Variants in HYCC1 observed in about 807,000 individuals in gnomAD.
HYCC1 encodes hyccin PI4KA lipid kinase complex subunit 1.
chr7:22,968,012 CAT>C, the HYCC1 span, among the ~76,000 whole-genome samples: 4 of 152,168 alleles, frequency 2.6e-5, no homozygotes, highest in Non-Finnish European at 4.4e-5. Context: ...AGAATAATCA[CAT>C]GATTATGGTG....
chr7:22,935,290 G>A, the HYCC1 span: 12 of 152,122 alleles, frequency 7.9e-5, 1 homozygote, highest in Admixed American at 6.6e-4. Flanking sequence ...TAAGATGATG[G>A]GGTTTTTTTT....
At chr7:22,922,649 T>C in the HYCC1 span, among the ~76,000 whole-genome samples, 1 of 152,254 alleles carries the variant, frequency 6.6e-6, no homozygotes, top group African/African-American at 2.4e-5. Flanking sequence ...AGGGACCATC[T>C]GTATATGTTG....
the HYCC1 span, chr7:22,934,860 C>A: frequency 1.3e-5 from 2 of 152,182 alleles, no homozygotes; most frequent in East Asian, 3.9e-4. Flanking sequence ...GATAGAGGCA[C>A]CCTCTGCCCA....
At chr7:22,965,587 T>C in the HYCC1 span, among the ~76,000 whole-genome samples, 2 of 139,202 alleles carry the variant, frequency 1.4e-5, no homozygotes, top group African/African-American at 5.4e-5. Flanking sequence ...AAAGAAGACA[T>C]GGAAACTAAA....
At chr7:22,922,923 A>T in the HYCC1 span, among the ~76,000 whole-genome samples, 1 of 152,262 alleles carries the variant, frequency 6.6e-6, no homozygotes, top group Non-Finnish European at 1.5e-5. Flanking sequence ...GAAGTAAAAA[A>T]TGAGAATTGA....
At chr7:22,969,122 T>C in the HYCC1 span, among the ~76,000 whole-genome samples, 1 of 152,118 alleles carries the variant, frequency 6.6e-6, no homozygotes, top group South Asian at 2.1e-4. Context: ...GGAGGGAATA[T>C]CCTAAAAATA....
chr7:22,932,901 G>A, the HYCC1 span, among the ~76,000 whole-genome samples: 1 of 152,074 alleles, frequency 6.6e-6, no homozygotes. Flanking sequence ...GGGTTAGAGT[G>A]AACCCTAAAT....
chr7:22,973,589 G>T, the HYCC1 span, among the ~76,000 whole-genome samples: 10 of 151,676 alleles, frequency 6.6e-5, no homozygotes, highest in Non-Finnish European at 1.5e-5. Context: ...CCCCACTCTT[G>T]TTTTTTTTCA....
At chr7:22,954,323 T>A in the HYCC1 span, among the ~76,000 whole-genome samples, 1 of 151,144 alleles carries the variant, frequency 6.6e-6, no homozygotes, top group African/African-American at 2.4e-5. Flanking sequence ...ATCAATGTTA[T>A]TATACAGCAG....
the HYCC1 span, chr7:22,947,251 G>C: frequency 6.5e-7 from 1 of 1,548,164 alleles, no homozygotes; most frequent in Non-Finnish European, 8.7e-7. Flanking sequence ...GGTTGCTCTA[G>C]AATTGAAGAT....
the HYCC1 span, among the ~76,000 whole-genome samples, chr7:22,990,174 C>T: frequency 5.3e-5 from 8 of 152,166 alleles, no homozygotes; most frequent in African/African-American, 9.7e-5. Context: ...GAAGGCCAGA[C>T]CAGATGTTCA....
chr7:22,986,063 T>A, the HYCC1 span, among the ~76,000 whole-genome samples: 1 of 151,718 alleles, frequency 6.6e-6, no homozygotes, highest in Admixed American at 6.6e-5. Flanking sequence ...TAAAACTAGA[T>A]CATTCATTAA....
chr7:23,013,255 G>C, the HYCC1 span, among the ~76,000 whole-genome samples: 1 of 152,196 alleles, frequency 6.6e-6, no homozygotes, highest in Non-Finnish European at 1.5e-5. Context: ...CTCATAGAAA[G>C]AAGGGGCAAG....
At chr7:23,002,979 T>C in the HYCC1 span, among the ~76,000 whole-genome samples, 17 of 152,136 alleles carry the variant, frequency 1.1e-4, no homozygotes, top group African/African-American at 4.1e-4. Context: ...ATACAGCCTA[T>C]CCAAATTTCC....
chr7:22,973,248 C>T, the HYCC1 span, among the ~76,000 whole-genome samples: 1 of 152,276 alleles, frequency 6.6e-6, no homozygotes, highest in South Asian at 2.1e-4. Context: ...GTTCTGTAAC[C>T]AATTTTCTTT....
At chr7:22,952,668 T>C in the HYCC1 span, among the ~76,000 whole-genome samples, 1 of 151,980 alleles carries the variant, frequency 6.6e-6, no homozygotes, top group Non-Finnish European at 1.5e-5. Context: ...TACTAGCCTT[T>C]TTTATCAATA....
chr7:22,902,374 AAAGT>A, the HYCC1 span, among the ~76,000 whole-genome samples: 17 of 151,630 alleles, frequency 1.1e-4, no homozygotes, highest in East Asian at 3.8e-4. Context: ...AAAAAAACCC[AAAGT>A]AAGTATCAGA....
the HYCC1 span, among the ~76,000 whole-genome samples, chr7:22,896,774 G>A: frequency 6.6e-6 from 1 of 152,132 alleles, no homozygotes; most frequent in East Asian, 1.9e-4. Context: ...TGGGAGTTCA[G>A]AGTGTAAATC....
chr7:23,000,862 C>T, the HYCC1 span, among the ~76,000 whole-genome samples: 1 of 149,120 alleles, frequency 6.7e-6, no homozygotes, highest in African/African-American at 2.5e-5. Context: ...CGGAGGACAG[C>T]AGAAAAAAAA....
Sources: gnomAD v4.1 joint callset for allele counts (sites outside exome capture counted in the v4.1 genomes callset) on GRCh38, gnomAD v4.1.1 for gene constraint, MANE v1.5 for transcripts, NCBI Gene and HGNC (gene_info 2026-07-23, HGNC 2026-07-21) for gene names.